APBA1: variants seen among roughly 807,000 people sequenced by gnomAD.
APBA1 encodes amyloid beta precursor protein binding family A member 1, also known as amyloid-beta A4 precursor protein-binding family A member 1.
Under a neutral mutation model 86.6 loss-of-function variants are expected in APBA1, and 55 were observed. That is an observed-to-expected ratio of 0.64 (90% CI 0.51 to 0.80). The LOEUF (loss-of-function observed/expected upper bound fraction) is 0.80. Among genes scored for constraint, APBA1 ranks in the 30% least tolerant of loss-of-function variants. APBA1 has a pLI of 0.00. For synonymous variants in APBA1, 511 were observed against 493.9 expected (o/e 1.03, Z -0.46); for missense variants, 1,090 against 1,183.0 (o/e 0.92, Z 1.15).
intron 1 of APBA1, among the ~76,000 whole-genome samples, chr9:69,534,116 G>A (rs188382743): frequency 1.3e-5 from 2 of 152,238 alleles, no homozygotes; most frequent in East Asian, 1.9e-4. Context: ...AATCTGATTC[G>A]TCCACCTTCT....
intron 2 of APBA1, among the ~76,000 whole-genome samples, chr9:69,476,750 T>A (rs1167751093): frequency 3.9e-5 from 6 of 152,166 alleles, no homozygotes; most frequent in African/African-American, 2.4e-5. Context: ...TTAGAACAGT[T>A]CAAAAATCCT....
intron 1 of APBA1, among the ~76,000 whole-genome samples, chr9:69,562,901 A>G (rs1190573006): frequency 6.6e-6 from 1 of 152,236 alleles, no homozygotes; most frequent in African/African-American, 2.4e-5. Context: ...GTATTGGTAG[A>G]CCTGAAAACT....
At chr9:69,530,680 A>C (rs1423902599) in intron 1 of APBA1, among the ~76,000 whole-genome samples, 1 of 152,224 alleles carries the variant, frequency 6.6e-6, no homozygotes, top group African/African-American at 2.4e-5. Context: ...CAGTATACCC[A>C]TGTAACAAAC....
At chr9:69,650,831 A>C (rs1823484326) in intron 1 of APBA1, among the ~76,000 whole-genome samples, 1 of 152,218 alleles carries the variant, frequency 6.6e-6, no homozygotes, top group Non-Finnish European at 1.5e-5. Flanking sequence ...ATTACACCAA[A>C]CAGAAAGGTA....
intron 1 of APBA1, among the ~76,000 whole-genome samples, chr9:69,606,110 C>T (rs138947880): frequency 2.7e-4 from 41 of 152,338 alleles, no homozygotes; most frequent in African/African-American, 9.1e-4. Flanking sequence ...CCAAATCACT[C>T]TGAAAAGAGC....
At chr9:69,476,005 A>T in intron 3 of APBA1, 43 bp downstream of exon 3, 1 of 1,539,660 alleles carries the variant, frequency 6.5e-7, no homozygotes, top group Non-Finnish European at 9.0e-7. Context: ...ATTAGAGTAA[A>T]GCAAAATGGC....
rs1331913719 is a variant in APBA1, at chr9:69,636,922, G to GGAAGGAAGGAAGGAAGGAAA, written c.-70+35230_-70+35231insTTTCCTTCCTTCCTTCCTTC. Among the ~76,000 whole-genome samples, 275 of 63,634 alleles carry GGAAGGAAGGAAGGAAGGAAA rather than the reference G, an allele frequency of 4.3e-3. 1 individual carries two copies. The highest frequency in any genetic ancestry group is 5.8e-3 in the Non-Finnish European group (188 of 32,140). 41.7% of individuals were successfully genotyped at this position (63,634 alleles called of 152,430 possible). On this transcript the variant is annotated intron_variant, in intron 1 of 12. Coordinates refer to ENST00000265381, the MANE Select transcript of APBA1 (RefSeq NM_001163.4). ...AGGAAGGAAGGAAGGAAGGAAGGAA[G>GGAAGGAAGGAAGGAAGGAAA]GAAAGAAAGAAAGAAAGAAAGAAAG... is the stretch of plus-strand genomic sequence containing the variant.
chr9:69,576,911 G>A (rs1025828460), intron 1 of APBA1, among the ~76,000 whole-genome samples: 1 of 151,964 alleles, frequency 6.6e-6, no homozygotes. Flanking sequence ...ATAAAATATT[G>A]TTTAATTATT....
In APBA1 at chr9:69,628,026, C is replaced by G. The variant is rs368834729; in HGVS notation, c.-70+44127G>C. Among the ~76,000 whole-genome samples the G allele has an allele frequency of 4.6e-5, 7 of 151,996 alleles. No homozygotes were observed. The East Asian group carries it at 7.7e-4, about 17-fold the overall frequency. Reference sequence around the variant, plus strand: ...CTTGTTTCTAATCAATAGAATAGAACAAAGATGATGGGAAGTCACCCCCAT... The same window carrying G: ...CTTGTTTCTAATCAATAGAATAGAAGAAAGATGATGGGAAGTCACCCCCAT... On this transcript the variant is annotated intron_variant, in intron 1 of 12. Transcript: ENST00000265381.
chr9:69,589,455 C>A (rs540880904), intron 1 of APBA1, among the ~76,000 whole-genome samples: 91 of 152,284 alleles, frequency 6.0e-4, no homozygotes, highest in African/African-American at 2.1e-3. Flanking sequence ...CATGGGCTCC[C>A]CTTCCTCTCT....
chr9:69,664,233 A>T (rs891019190), intron 1 of APBA1, among the ~76,000 whole-genome samples: 19 of 152,210 alleles, frequency 1.2e-4, no homozygotes, highest in Admixed American at 6.5e-5. Flanking sequence ...GGAGGCCATG[A>T]TTTTAACACC....
Position 69,617,163 on chromosome 9 carries a change from A to T in APBA1, c.-70+54990T>A, listed in dbSNP as rs114576950. Among the ~76,000 whole-genome samples the T allele has an allele frequency of 6.0e-3, 907 of 152,282 alleles. 10 individuals carry two copies. Among genetic ancestry groups the T allele is most frequent in the African/African-American group, 0.021 (858 of 41,554 alleles). On this transcript the variant is annotated intron_variant, in intron 1 of 12. Coordinates refer to ENST00000265381, the MANE Select transcript of APBA1 (RefSeq NM_001163.4). Reference sequence around the variant, plus strand: ...AGGATAATCATCTCAAAACAACTATATAACCCTCCTCACTTTTCCTTTAAG... The same window carrying T: ...AGGATAATCATCTCAAAACAACTATTTAACCCTCCTCACTTTTCCTTTAAG...
At chr9:69,459,535 T>A (rs1035741659) in intron 5 of APBA1, among the ~76,000 whole-genome samples, 1 of 152,226 alleles carries the variant, frequency 6.6e-6, no homozygotes, top group Non-Finnish European at 1.5e-5. Context: ...CCTTTTTATC[T>A]CCAGTAATAC....
At chr9:69,601,530 T>A (rs980680663) in intron 1 of APBA1, among the ~76,000 whole-genome samples, 1 of 152,206 alleles carries the variant, frequency 6.6e-6, no homozygotes, top group Non-Finnish European at 1.5e-5. Flanking sequence ...TTCTGACAAA[T>A]CCTTGCAGAT....
At chr9:69,590,082 C>T (rs1822100571) in intron 1 of APBA1, among the ~76,000 whole-genome samples, 1 of 152,182 alleles carries the variant, frequency 6.6e-6, no homozygotes, top group Non-Finnish European at 1.5e-5. Context: ...TGCTTCAGCA[C>T]TCCTGGGATG....
intron 5 of APBA1, chr9:69,465,468 C>A (rs1481825684): frequency 1.3e-5 from 2 of 152,220 alleles, no homozygotes; most frequent in African/African-American, 4.8e-5. Context: ...AGCTTGCTCT[C>A]TCTGAGAGGT....
At chr9:69,586,943 T>C (rs1822031113) in intron 1 of APBA1, among the ~76,000 whole-genome samples, 1 of 152,198 alleles carries the variant, frequency 6.6e-6, no homozygotes, top group African/African-American at 2.4e-5. Flanking sequence ...TAAAAAATAG[T>C]TTGGCTGTAT....
Position 69,512,860 on chromosome 9 carries a change from A to C in APBA1, c.1200+3151T>G, listed in dbSNP as rs555836689. Among the ~76,000 whole-genome samples, 146 of 152,344 alleles carry C rather than the reference A, an allele frequency of 9.6e-4. 1 individual carries two copies. The highest frequency in any genetic ancestry group is 3.3e-3 in the African/African-American group (137 of 41,580). On this transcript the variant is annotated intron_variant, in intron 2 of 12. Transcript: ENST00000265381. ...AATAAGTACCACCCAGACAGACTTCAGATCACATGGTTTTAAAACACCTTT... is the reference window on the plus strand; with the variant it reads ...AATAAGTACCACCCAGACAGACTTCCGATCACATGGTTTTAAAACACCTTT...
intron 2 of APBA1, among the ~76,000 whole-genome samples, chr9:69,491,509 T>C (rs1321583154): frequency 2.0e-5 from 3 of 151,604 alleles, no homozygotes; most frequent in Non-Finnish European, 2.9e-5. Context: ...ATGTAAATGA[T>C]GAGTTAATGG....
Sources: gnomAD v4.1 joint callset for allele counts (sites outside exome capture counted in the v4.1 genomes callset) on GRCh38, gnomAD v4.1.1 for gene constraint, MANE v1.5 for transcripts, NCBI Gene and HGNC (gene_info 2026-07-23, HGNC 2026-07-21) for gene names.